MED13: variants seen among roughly 807,000 people sequenced by gnomAD.
MED13 encodes the protein mediator of RNA polymerase II transcription subunit 13.
Under a neutral mutation model 225.2 loss-of-function variants are expected in MED13, and 23 were observed. That is an observed-to-expected ratio of 0.10 (90% CI 0.07 to 0.14). MED13 has a LOEUF of 0.14. Among genes scored for constraint, MED13 ranks in the 10% least tolerant of loss-of-function variants. MED13 has a pLI of 1.00. For missense variants in MED13, 2,197 were observed against 2,594.5 expected (o/e 0.85, Z 3.33); for synonymous variants, 942 against 889.2 (o/e 1.06, Z -1.06).
intron 8 of MED13, among the ~76,000 whole-genome samples, chr17:62,014,310 T>TTTTA (rs143857376): frequency 1.4e-5 from 2 of 143,094 alleles, no homozygotes; most frequent in East Asian, 2.0e-4. Context: ...GTATATGTTT[T>TTTTA]TATATATATA....
At chr17:62,035,050 G>A (rs2080790436) in intron 4 of MED13, among the ~76,000 whole-genome samples, 1 of 152,132 alleles carries the variant, frequency 6.6e-6, no homozygotes, top group South Asian at 2.1e-4. Flanking sequence ...GAATCCGGGA[G>A]GTGGAGGTTG....
chr17:61,991,818 A>AT lies in MED13; in HGVS notation c.2263+721dup, dbSNP rs564920962. Among the ~76,000 whole-genome samples, 1,310 of 151,600 alleles carry AT rather than the reference A, an allele frequency of 8.6e-3. 11 individuals are homozygous for AT. The highest frequency in any genetic ancestry group is 0.013 in the Non-Finnish European group (877 of 67,848). On this transcript the variant is annotated intron_variant, in intron 11 of 29. Transcript: ENST00000397786. Reference sequence around the variant, plus strand: ...CCACTGTGCCCGGCCTAATTTTTGTATTTTTTTAGTAGGGATGGTGTTTCA... The same window carrying AT: ...CCACTGTGCCCGGCCTAATTTTTGTATTTTTTTTAGTAGGGATGGTGTTTCA...
Position 62,015,958 on chromosome 17 carries a change from T to TA in MED13, c.1284-4726_1284-4725insT, listed in dbSNP as rs2080574439. ...TATATATATATATATATATATATTT[T>TA]TTTTTTTTTTTTTTTTTTTTTTTTT... On this transcript the variant is annotated intron_variant, in intron 8 of 29. Coordinates refer to ENST00000397786, the MANE Select transcript of MED13 (RefSeq NM_005121.3). Among the ~76,000 whole-genome samples, 9 of 6,190 alleles carry TA rather than the reference T, an allele frequency of 1.5e-3. 1 individual carries two copies. The East Asian group carries it at 0.041, about 28-fold the overall frequency. 4.1% of individuals were successfully genotyped at this position (6,190 alleles called of 152,430 possible).
At chr17:61,959,856 G>A (rs1384348333) in intron 23 of MED13, among the ~76,000 whole-genome samples, 2 of 151,390 alleles carry the variant, frequency 1.3e-5, no homozygotes, top group African/African-American at 4.9e-5. Flanking sequence ...AGTCTCCCGA[G>A]TAGCTGTGAC....
At chr17:61,974,709 G>C (rs182462494) in intron 16 of MED13, among the ~76,000 whole-genome samples, 146 of 151,928 alleles carry the variant, frequency 9.6e-4, no homozygotes, top group Non-Finnish European at 1.7e-3. Flanking sequence ...GATGATTCTG[G>C]GACAACTAGA....
At position 61,962,791 on chromosome 17, in the gene MED13, C is replaced by G. The variant is rs2080013486; in HGVS notation, c.5025G>C (p.Gln1675His). 1 of 1,614,038 alleles carries G rather than the reference C, an allele frequency of 6.2e-7. No individual in the cohort carries two copies. Among genetic ancestry groups the G allele is most frequent in the Non-Finnish European group, 8.5e-7 (1 of 1,180,038 alleles). Residue 1675 changes from glutamine to histidine, a missense_variant, in exon 21 of 30, where the codon CAG (glutamine) becomes CAC (histidine). Transcript: ENST00000397786. ...GLLRCFLEMV[Q>H]TLPPHIKSTV... Reference sequence around the variant, plus strand: ...TACTCTTGATATGAGGAGGAAGAGTCTGGACCATTTCTAGAAAGCATCGAA... The same window carrying G: ...TACTCTTGATATGAGGAGGAAGAGTGTGGACCATTTCTAGAAAGCATCGAA...
intron 1 of MED13, 79 bp downstream of exon 1, chr17:62,065,061 G>T: frequency 7.5e-7 from 1 of 1,340,980 alleles, no homozygotes; most frequent in South Asian, 1.4e-5. Context: ...ATCTGGACCA[G>T]ACCCGGCCCC....
Position 62,028,679 on chromosome 17 carries a change from T to A in MED13, c.1283+862A>T, listed in dbSNP as rs865878955. On this transcript the variant is annotated intron_variant, in intron 8 of 29. Transcript: ENST00000397786. ...ACACAGTGAAACCCTGTCTCTACTT[T>A]AAAAAAAAAAAAAAAATTAGCTGGG... Among the ~76,000 whole-genome samples, 257 of 141,676 alleles carry A rather than the reference T, an allele frequency of 1.8e-3. 1 individual carries two copies. Among genetic ancestry groups the A allele is most frequent in the Middle Eastern group, 0.011 (3 of 270 alleles). 92.9% of individuals were successfully genotyped at this position (141,676 alleles called of 152,430 possible).
At chr17:62,033,458 T>C (rs1222655354) in intron 5 of MED13, among the ~76,000 whole-genome samples, 1 of 152,208 alleles carries the variant, frequency 6.6e-6, no homozygotes, top group Non-Finnish European at 1.5e-5. Flanking sequence ...TCTAATGCAA[T>C]GTGAGCAGAT....
chr17:62,052,260 G>A (rs1161711274), intron 3 of MED13, among the ~76,000 whole-genome samples: 1 of 152,004 alleles, frequency 6.6e-6, no homozygotes, highest in Non-Finnish European at 1.5e-5. Context: ...CTAAGTCTCT[G>A]CTTTCATCCC....
Position 61,983,419 on chromosome 17 carries a change from T to C in MED13, c.2889-305A>G, listed in dbSNP as rs772284591. ...AAATTTTGTTTACTAGAAATACTTA[T>C]ATTTCCTTGATTCTAAGATGCTACT... is the stretch of plus-strand genomic sequence containing the variant. On this transcript the variant is annotated intron_variant, in intron 15 of 29. Coordinates refer to ENST00000397786, the MANE Select transcript of MED13 (RefSeq NM_005121.3). 4.6e-5 allele frequency among the ~76,000 whole-genome samples: 7 copies of C among 152,294 alleles called. No homozygotes were observed. In the East Asian group the frequency reaches 1.2e-3, roughly 25 times the overall value.
At chr17:61,988,268 C>A (rs2080265602) in intron 11 of MED13, among the ~76,000 whole-genome samples, 1 of 152,166 alleles carries the variant, frequency 6.6e-6, no homozygotes, top group Non-Finnish European at 1.5e-5. Context: ...ATAAATATTA[C>A]CGCTTAGTTA....
At position 61,961,598 on chromosome 17, in the gene MED13, C is replaced by T. The variant is rs2143345805; in HGVS notation, c.5246G>A (p.Arg1749Lys). The T allele has an allele frequency of 6.2e-7, 1 of 1,603,654 alleles. No homozygotes were observed. Among genetic ancestry groups the T allele is most frequent in the East Asian group, 2.3e-5 (1 of 44,280 alleles). ...AAAACATATACTTACATCAGGACTT[C>T]TAAGGGCAGTTTCCATGGCTAAACC... ...GPGLAMETAL[R>K]SPDRPECIRL... Residue 1749 changes from arginine to lysine, a missense_variant, in exon 22 of 30, where the codon AGA (arginine) becomes AAA (lysine). By Grantham distance (26) the Arg-to-Lys change is conservative (BLOSUM62 2). This residue lies in a region of MED13 where 457 missense variants were observed against 442.2 expected (regional missense o/e 1.03). Transcript: ENST00000397786.
At chr17:62,021,416 G>C (rs1294170993) in intron 8 of MED13, among the ~76,000 whole-genome samples, 5 of 148,200 alleles carry the variant, frequency 3.4e-5, no homozygotes, top group African/African-American at 1.3e-4. Flanking sequence ...CCGGGCAGGG[G>C]GCTGACCCCC....
At chr17:61,951,366 G>A (rs1460911669) in intron 27 of MED13, among the ~76,000 whole-genome samples, 1 of 152,086 alleles carries the variant, frequency 6.6e-6, no homozygotes, top group Non-Finnish European at 1.5e-5. Flanking sequence ...CAATCAAAAG[G>A]TGGATTCAAT....
intron 26 of MED13, among the ~76,000 whole-genome samples, chr17:61,954,098 T>A (rs2079920422): frequency 6.6e-6 from 1 of 152,322 alleles, no homozygotes; most frequent in East Asian, 1.9e-4. Flanking sequence ...CATGGGCAAC[T>A]GAAATCATGT....
Position 62,063,103 on chromosome 17 carries a change from G to C in MED13, c.265C>G (p.Pro89Ala), listed in dbSNP as rs771552006. 1.2e-6 allele frequency: 2 copies of C among 1,613,902 alleles called. No individual in the cohort carries two copies. The highest frequency in any genetic ancestry group is 2.2e-5 in the South Asian group (2 of 91,072). Reference protein sequence around the residue: ...ELWIFWWGEDPSFADLIHHDL... With the variant: ...ELWIFWWGEDASFADLIHHDL... ...TGGTGAATAAGGTCAGCAAAACTGGGGTCTTCACCCCACCAAAATATCCAC... is the reference window on the plus strand; with the variant it reads ...TGGTGAATAAGGTCAGCAAAACTGGCGTCTTCACCCCACCAAAATATCCAC... Residue 89 changes from proline (P) to alanine (A), a missense_variant, in exon 2 of 30, where the codon CCC becomes GCC. Physicochemically the swap from Pro to Ala is conservative, Grantham distance 27. Around this residue, in one of 12 missense-constraint regions of MED13, gnomAD observed 884 missense variants for 918.5 expected, o/e 0.96. Coordinates refer to ENST00000397786, the MANE Select transcript of MED13 (RefSeq NM_005121.3).
At chr17:62,042,305 T>C (rs138862167) in intron 3 of MED13, among the ~76,000 whole-genome samples, 12 of 152,258 alleles carry the variant, frequency 7.9e-5, no homozygotes, top group African/African-American at 2.4e-4. Flanking sequence ...GGCTGATGCC[T>C]GTAATCCCAA....
At chr17:61,998,911 C>A (rs2080369056) in intron 9 of MED13, among the ~76,000 whole-genome samples, 1 of 143,280 alleles carries the variant, frequency 7.0e-6, no homozygotes, top group Non-Finnish European at 1.5e-5. Context: ...AAATCTCCCA[C>A]TTTTTAAATG....
Sources: allele counts gnomAD v4.1 joint callset (sites outside exome capture counted in the v4.1 genomes callset), GRCh38; gene constraint gnomAD v4.1.1; regional missense constraint gnomAD v4.1.1; transcripts MANE v1.5; gene names NCBI Gene and HGNC (gene_info 2026-07-23, HGNC 2026-07-21).